The following CDKAL1 variants were observed in gnomAD, a reference collection of about 807,000 sequenced individuals.
CDKAL1 encodes the protein CDKAL1 threonylcarbamoyladenosine tRNA methylthiotransferase.
A neutral mutation model predicts 68.2 loss-of-function variants in CDKAL1; 32 were observed. The ratio of observed to expected loss-of-function variants is 0.47; its 90% CI spans 0.35 to 0.63. The LOEUF (loss-of-function observed/expected upper bound fraction) is 0.63. Among genes scored for constraint, CDKAL1 ranks in the 30% least tolerant of loss-of-function variants. The pLI, the probability that CDKAL1 is intolerant of heterozygous loss-of-function variation, is 0.00. For missense variants in CDKAL1, 606 were observed against 696.7 expected (o/e 0.87, Z 1.47); for synonymous variants, 234 against 244.3 (o/e 0.96, Z 0.39).
At chr6:20,901,703 A>G (rs1247260198) in intron 9 of CDKAL1, among the ~76,000 whole-genome samples, 1 of 146,114 alleles carries the variant, frequency 6.8e-6, no homozygotes, top group Non-Finnish European at 1.5e-5. Flanking sequence ...AAAAAAAAAA[A>G]GAAAAGAAAC....
intron 11 of CDKAL1, among the ~76,000 whole-genome samples, chr6:21,002,580 A>C (rs1483133917): frequency 6.6e-6 from 1 of 152,066 alleles, no homozygotes; most frequent in African/African-American, 2.4e-5. Context: ...ATATATTGCA[A>C]AACTGTAGTA....
chr6:20,797,603 G>T (rs1266423042), intron 8 of CDKAL1, among the ~76,000 whole-genome samples: 2 of 152,072 alleles, frequency 1.3e-5, no homozygotes, highest in African/African-American at 4.8e-5. Context: ...TTTAGGGAAT[G>T]AATGGAAAAA....
chr6:20,661,623 C>G (rs572626100), intron 5 of CDKAL1, among the ~76,000 whole-genome samples: 2 of 151,812 alleles, frequency 1.3e-5, no homozygotes, highest in East Asian at 3.9e-4. Context: ...AAACTGTAAA[C>G]TTACAGTTAA....
intron 8 of CDKAL1, among the ~76,000 whole-genome samples, chr6:20,822,518 A>G (rs1394340765): frequency 6.6e-6 from 1 of 152,166 alleles, no homozygotes; most frequent in East Asian, 1.9e-4. Flanking sequence ...AGAGTGGCAA[A>G]CAGCATCGTT....
At position 20,881,058 on chromosome 6, in the gene CDKAL1, C is replaced by T. The variant is rs143687541; in HGVS notation, c.742+34880C>T. 1.4e-4 allele frequency among the ~76,000 whole-genome samples: 22 copies of T among 152,286 alleles called. No individual in the cohort carries two copies. The East Asian group carries it at 3.1e-3, about 21-fold the overall frequency. On this transcript the variant is annotated intron_variant, in intron 9 of 15. Transcript: ENST00000274695. ...TCCTTCCATGTGATTAAGCTTTTCT[C>T]CCATTACTATTCATTAAACAGACTA...
intron 8 of CDKAL1, among the ~76,000 whole-genome samples, chr6:20,827,530 A>G (rs544282860): frequency 7.2e-5 from 11 of 152,204 alleles, no homozygotes; most frequent in South Asian, 2.1e-4. Context: ...GCTAGTTTCT[A>G]TAACTCTTAA....
chr6:20,980,373 G>C (rs1443479387), intron 10 of CDKAL1, among the ~76,000 whole-genome samples: 1 of 152,090 alleles, frequency 6.6e-6, no homozygotes, highest in African/African-American at 2.4e-5. Flanking sequence ...GAGTAGCTGA[G>C]ACTACAGGCG....
chr6:21,028,972 A>G (rs750810150), intron 11 of CDKAL1, among the ~76,000 whole-genome samples: 1 of 152,104 alleles, frequency 6.6e-6, no homozygotes, highest in Non-Finnish European at 1.5e-5. Context: ...AAATTTGAAG[A>G]TACTGTGCTT....
chr6:21,103,711 TG>T (rs1328154461), intron 12 of CDKAL1, among the ~76,000 whole-genome samples: 1 of 152,204 alleles, frequency 6.6e-6, no homozygotes, highest in East Asian at 1.9e-4. Context: ...TTGTACAATT[TG>T]GGGAAAAATA....
chr6:20,852,565 G>A (rs1399031334), intron 9 of CDKAL1, among the ~76,000 whole-genome samples: 1 of 152,140 alleles, frequency 6.6e-6, no homozygotes, highest in Non-Finnish European at 1.5e-5. Context: ...ACACATAACT[G>A]GATCGTGAAC....
At chr6:21,166,446 A>G (rs1210454443) in intron 13 of CDKAL1, among the ~76,000 whole-genome samples, 1 of 152,234 alleles carries the variant, frequency 6.6e-6, no homozygotes, top group Non-Finnish European at 1.5e-5. Flanking sequence ...GAAGTAGATC[A>G]TACATAACAT....
intron 7 of CDKAL1, among the ~76,000 whole-genome samples, chr6:20,777,687 A>AC (rs1253228638): frequency 2.6e-5 from 4 of 152,198 alleles, no homozygotes; most frequent in South Asian, 2.1e-4. Context: ...TTTTAGCTTT[A>AC]CATGAGTCTC....
intron 5 of CDKAL1, among the ~76,000 whole-genome samples, chr6:20,708,995 C>T (rs914654177): frequency 2.6e-5 from 4 of 152,058 alleles, no homozygotes; most frequent in African/African-American, 9.7e-5. Flanking sequence ...AGAACTAAAT[C>T]CATGGGAAGA....
chr6:20,566,547 C>T (rs1764469415), intron 4 of CDKAL1, among the ~76,000 whole-genome samples: 2 of 152,152 alleles, frequency 1.3e-5, no homozygotes, highest in African/African-American at 4.8e-5. Flanking sequence ...ATAGTAAGCA[C>T]TCTAAGTACT....
intron 8 of CDKAL1, among the ~76,000 whole-genome samples, chr6:20,837,969 G>GTA (rs1238058582): frequency 1.3e-5 from 2 of 149,586 alleles, no homozygotes; most frequent in Admixed American, 1.3e-4. Context: ...GTGTGTGTGT[G>GTA]TGTGTGTGTG....
chr6:21,068,030 G>A (rs1216870876), intron 12 of CDKAL1, among the ~76,000 whole-genome samples: 4 of 151,098 alleles, frequency 2.6e-5, no homozygotes, highest in Non-Finnish European at 5.9e-5. Context: ...CAAATCTTTT[G>A]CCCATCTACC....
At chr6:20,572,850 T>G (rs1764759568) in intron 4 of CDKAL1, among the ~76,000 whole-genome samples, 2 of 152,112 alleles carry the variant, frequency 1.3e-5, no homozygotes, top group South Asian at 2.1e-4. Flanking sequence ...TGATCACCAA[T>G]TTTTGAAAGT....
At chr6:20,814,868 A>C (rs781300014) in intron 8 of CDKAL1, among the ~76,000 whole-genome samples, 3 of 152,102 alleles carry the variant, frequency 2.0e-5, no homozygotes, top group Admixed American at 2.0e-4. Context: ...ACAAATTTTC[A>C]CTGACTTAGT....
intron 11 of CDKAL1, among the ~76,000 whole-genome samples, chr6:21,035,788 C>CTTGCTGCCAA (rs1769545360): frequency 6.6e-6 from 1 of 152,008 alleles, no homozygotes; most frequent in Non-Finnish European, 1.5e-5. Context: ...AATGTATTTT[C>CTTGCTGCCAA]ACACAGATTC....
Sources: gnomAD v4.1 joint callset for allele counts (sites outside exome capture counted in the v4.1 genomes callset) on GRCh38, gnomAD v4.1.1 for gene constraint, MANE v1.5 for transcripts, NCBI Gene and HGNC (gene_info 2026-07-23, HGNC 2026-07-21) for gene names.